The following NRXN3 variants were observed in gnomAD, a reference collection of about 807,000 sequenced individuals.
The protein encoded by NRXN3 is neurexin 3, also known as neurexin III.
A neutral mutation model predicts 137.6 loss-of-function variants in NRXN3; 32 were observed. The ratio of observed to expected loss-of-function variants is 0.23; its 90% CI spans 0.18 to 0.31. NRXN3 has a LOEUF of 0.31. Ranked by LOEUF, NRXN3 falls within the 10% of genes least tolerant of loss-of-function variation. The pLI, the probability that NRXN3 is intolerant of heterozygous loss-of-function variation, is 1.00. For synonymous variants in NRXN3, 798 were observed against 784.5 expected (o/e 1.02, Z -0.29); for missense variants, 1,574 against 2,062.5 (o/e 0.76, Z 4.59).
In NRXN3 at chr14:78,835,358, C is replaced by T. The variant is rs550342984; in HGVS notation, c.2275+25014C>T. Among the ~76,000 whole-genome samples, 6 of 152,164 alleles carry T rather than the reference C, an allele frequency of 3.9e-5. No homozygotes were observed. In the South Asian group the frequency reaches 6.2e-4, roughly 16 times the overall value. On this transcript the variant is annotated intron_variant, in intron 10 of 20. Transcript: ENST00000335750. ...TGCAGTTGGTGGTGGCTGGTGGCGG[C>T]GGTGGCAGCAGTGGGCTGGTTACAT...
chr14:78,485,704 T>C (rs1346957900), intron 4 of NRXN3, among the ~76,000 whole-genome samples: 1 of 152,248 alleles, frequency 6.6e-6, no homozygotes, highest in African/African-American at 2.4e-5. Flanking sequence ...TTGCTTTCCT[T>C]TTCTCCTTCA....
At chr14:78,253,685 GA>G (rs888645379) in intron 2 of NRXN3, among the ~76,000 whole-genome samples, 10 of 151,766 alleles carry the variant, frequency 6.6e-5, no homozygotes, top group African/African-American at 1.9e-4. Context: ...GAAAAAAAAA[GA>G]AAAAAACCAA....
At chr14:79,481,932 G>A (rs1430075987) in intron 16 of NRXN3, among the ~76,000 whole-genome samples, 1 of 152,056 alleles carries the variant, frequency 6.6e-6, no homozygotes. Context: ...AGAGTTGTGG[G>A]CCCAGGTGGG....
At chr14:78,814,399 G>A (rs1483390895) in intron 10 of NRXN3, among the ~76,000 whole-genome samples, 6 of 152,100 alleles carry the variant, frequency 3.9e-5, no homozygotes, top group African/African-American at 9.7e-5. Context: ...GGCAGATTAC[G>A]AGGTCAAGGG....
chr14:79,392,388 G>A (rs185430897), intron 15 of NRXN3, among the ~76,000 whole-genome samples: 4 of 152,230 alleles, frequency 2.6e-5, no homozygotes, highest in African/African-American at 9.6e-5. Context: ...TATCCAGTCT[G>A]TCATCAGTAG....
intron 8 of NRXN3, among the ~76,000 whole-genome samples, chr14:78,730,134 A>G (rs571165615): frequency 1.3e-5 from 2 of 152,272 alleles, no homozygotes; most frequent in South Asian, 4.1e-4. Flanking sequence ...TATTAGCTAT[A>G]GAGCGGCAAG....
intron 19 of NRXN3, among the ~76,000 whole-genome samples, chr14:79,706,378 ATTAC>A (rs1342169754): frequency 1.3e-5 from 2 of 150,348 alleles, no homozygotes; most frequent in African/African-American, 4.9e-5. Context: ...GCAAATAAAA[ATTAC>A]TTGGTAAGGA....
chr14:78,943,617 A>ATATAT (rs2099358021), intron 10 of NRXN3, among the ~76,000 whole-genome samples: 1 of 40,530 alleles, frequency 2.5e-5, no homozygotes, highest in African/African-American at 1.3e-4. Flanking sequence ...TGTTAAAAAA[A>ATATAT]AAAAATATAT....
At chr14:79,211,525 C>T (rs2067659013) in intron 15 of NRXN3, among the ~76,000 whole-genome samples, 1 of 152,082 alleles carries the variant, frequency 6.6e-6, no homozygotes, top group Admixed American at 6.6e-5. Flanking sequence ...TATTATTATT[C>T]CATGTTACCA....
At chr14:79,124,642 T>G (rs541922605) in intron 15 of NRXN3, among the ~76,000 whole-genome samples, 1 of 152,270 alleles carries the variant, frequency 6.6e-6, no homozygotes, top group East Asian at 1.9e-4. Context: ...AAACACACAG[T>G]GGGACTTCCC....
At chr14:78,628,162 T>G (rs1265702421) in intron 4 of NRXN3, among the ~76,000 whole-genome samples, 1 of 151,048 alleles carries the variant, frequency 6.6e-6, no homozygotes, top group Non-Finnish European at 1.5e-5. Flanking sequence ...AGCCTCGAAC[T>G]CCTGGGCTCA....
chr14:79,348,101 G>A (rs1351607403), intron 15 of NRXN3, among the ~76,000 whole-genome samples: 4 of 151,822 alleles, frequency 2.6e-5, no homozygotes, highest in South Asian at 2.1e-4. Context: ...GGTATTTACC[G>A]CAGTATTTCC....
At chr14:79,656,300 T>C (rs571431008) in intron 16 of NRXN3, among the ~76,000 whole-genome samples, 2 of 152,152 alleles carry the variant, frequency 1.3e-5, no homozygotes, top group East Asian at 1.9e-4. Context: ...ACCTGAGTCC[T>C]GCCAGGAGAC....
intron 2 of NRXN3, among the ~76,000 whole-genome samples, chr14:78,258,604 A>G (rs186107123): frequency 1.5e-3 from 228 of 152,340 alleles, no homozygotes; most frequent in African/African-American, 5.3e-3. Flanking sequence ...AAAGGAATCC[A>G]TAAGATAGAC....
intron 16 of NRXN3, among the ~76,000 whole-genome samples, chr14:79,619,211 G>C (rs1378672460): frequency 6.6e-6 from 1 of 152,024 alleles, no homozygotes; most frequent in Admixed American, 6.6e-5. Flanking sequence ...AGTTTAATTA[G>C]GTCCCACTTA....
chr14:79,004,083 A>T (rs2099547226), intron 15 of NRXN3, among the ~76,000 whole-genome samples: 1 of 152,222 alleles, frequency 6.6e-6, no homozygotes, highest in African/African-American at 2.4e-5. Context: ...TCTGAGAACA[A>T]ACACATCTTA....
At chr14:78,785,694 C>T (rs151233257) in intron 8 of NRXN3, among the ~76,000 whole-genome samples, 10 of 152,244 alleles carry the variant, frequency 6.6e-5, no homozygotes, top group Admixed American at 2.0e-4. Context: ...CCTAGTCATC[C>T]GCCAGGCAGT....
chr14:79,730,144 GCTTCT>G (rs1289260576), intron 19 of NRXN3, among the ~76,000 whole-genome samples: 4 of 152,118 alleles, frequency 2.6e-5, no homozygotes, highest in African/African-American at 9.7e-5. Flanking sequence ...ATAGGGAAGG[GCTTCT>G]CTTCTTTTTC....
intron 10 of NRXN3, among the ~76,000 whole-genome samples, chr14:78,876,649 G>A (rs2099114574): frequency 6.6e-6 from 1 of 152,126 alleles, no homozygotes. Flanking sequence ...TAAAGGTTTG[G>A]TTACATGACC....
Sources: allele counts gnomAD v4.1 joint callset (sites outside exome capture counted in the v4.1 genomes callset), GRCh38; gene constraint gnomAD v4.1.1; transcripts MANE v1.5; gene names NCBI Gene and HGNC (gene_info 2026-07-23, HGNC 2026-07-21).